The following MAP3K1 variants were observed in gnomAD, a reference collection of about 807,000 sequenced individuals.
The protein encoded by MAP3K1 is mitogen-activated protein kinase kinase kinase 1.
MAP3K1 carries 36 observed loss-of-function variants against 144.2 expected under a neutral mutation model. That is an observed-to-expected ratio of 0.25 (90% CI 0.19 to 0.33). MAP3K1 has a LOEUF of 0.33. Among genes scored for constraint, MAP3K1 ranks in the 10% least tolerant of loss-of-function variants. MAP3K1 has a pLI of 1.00. For synonymous variants in MAP3K1, 718 were observed against 688.7 expected (o/e 1.04, Z -0.67); for missense variants, 1,650 against 1,881.9 (o/e 0.88, Z 2.28).
chr5:56,845,484 C>A (rs1320001596), intron 1 of MAP3K1, among the ~76,000 whole-genome samples: 1 of 152,186 alleles, frequency 6.6e-6, no homozygotes, highest in Non-Finnish European at 1.5e-5. Flanking sequence ...ACCCCTCCCC[C>A]CACAGTAGTA....
chr5:56,855,691 T>G (rs1415203750), intron 1 of MAP3K1, among the ~76,000 whole-genome samples: 1 of 150,452 alleles, frequency 6.6e-6, no homozygotes, highest in East Asian at 1.9e-4. Context: ...TTTTGGTATT[T>G]CCTTGAGTAT....
intron 3 of MAP3K1, 63 bp from the exon 4 acceptor site, chr5:56,864,671 C>G: frequency 6.4e-7 from 1 of 1,573,330 alleles, no homozygotes; most frequent in African/African-American, 1.3e-5. Flanking sequence ...CCATGCCTGA[C>G]CGGATAATAG....
chr5:56,891,576 C>A (rs1391004980), intron 19 of MAP3K1, among the ~76,000 whole-genome samples: 2 of 152,156 alleles, frequency 1.3e-5, no homozygotes, highest in Non-Finnish European at 2.9e-5. Flanking sequence ...GCTTTTGTTG[C>A]CATTGCTTTT....
chr5:56,885,988 A>G lies in MAP3K1; in HGVS notation c.4039A>G (p.Ile1347Val), dbSNP rs1380691737. 1 of 1,612,240 alleles carries G rather than the reference A, an allele frequency of 6.2e-7. No homozygotes were observed. Residue 1347 changes from isoleucine (I) to valine (V), a missense_variant, in exon 17 of 20, where the codon ATT (isoleucine) becomes GTT (valine). Transcript: ENST00000399503. ...KYGAFKESVVINYTEQLLRGL... is the reference protein window; with the variant it reads ...KYGAFKESVVVNYTEQLLRGL... ...TGGAGCCTTCAAAGAATCAGTAGTT[A>G]TTAACTACACTGAACAGTTACTCCG...
chr5:56,819,009 A>G (rs1746071599), intron 1 of MAP3K1, among the ~76,000 whole-genome samples: 1 of 151,998 alleles, frequency 6.6e-6, no homozygotes, highest in African/African-American at 2.4e-5. Context: ...GGGTGACTTT[A>G]TAAAAATAAA....
chr5:56,821,560 TC>T (rs2111748651), intron 1 of MAP3K1, among the ~76,000 whole-genome samples: 1 of 152,344 alleles, frequency 6.6e-6, no homozygotes, highest in African/African-American at 2.4e-5. Flanking sequence ...TCATTACTTT[TC>T]TTTTTTTATT....
In MAP3K1 at chr5:56,895,323, T is replaced by C; in HGVS notation, c.*1643T>C. 4.3e-6 allele frequency: 1 copy of C among 232,162 alleles called. No individual in the cohort carries two copies. The highest frequency in any genetic ancestry group is 8.5e-6 in the Non-Finnish European group (1 of 117,402). 14.4% of individuals were successfully genotyped at this position (232,162 alleles called of 1,614,324 possible). A position where few individuals can be genotyped will look rare whatever the true frequency, so the allele number is the denominator to read the frequency against. ...AAAAATAGTACAGAAATGTGAAGTT[T>C]GGTATCTCTAAATGTGTTGTACTTG... On this transcript the variant is annotated 3_prime_UTR_variant, in exon 20 of 20. Coordinates refer to ENST00000399503, the MANE Select transcript of MAP3K1 (RefSeq NM_005921.2).
chr5:56,881,795 T>C lies in MAP3K1; in HGVS notation c.2595T>C (p.Ile865=). The C allele has an allele frequency of 1.2e-6, 2 of 1,614,128 alleles. No individual in the cohort carries two copies. Among genetic ancestry groups the C allele is most frequent in the Non-Finnish European group, 1.7e-6 (2 of 1,180,014 alleles). The part of the protein sequence containing the change: ...RLMAIADEVE[I]AEAIQLGVED... ...TGGCTATTGCAGATGAGGTGGAAAT[T>C]GCCGAAGCCATCCAGTTGGGCGTAG... is the stretch of plus-strand genomic sequence containing the variant. Residue 865 remains isoleucine, a synonymous_variant, in exon 14 of 20, where the codon ATT becomes ATC. Transcript: ENST00000399503.
intron 10 of MAP3K1, 81 bp downstream of exon 10, chr5:56,875,391 A>G (rs754529429): frequency 5.2e-5 from 76 of 1,470,248 alleles, no homozygotes; most frequent in South Asian, 5.9e-5. Flanking sequence ...TTAAGATACA[A>G]TAAAGCTACT....
At chr5:56,853,665 A>T (rs566472072) in intron 1 of MAP3K1, among the ~76,000 whole-genome samples, 2 of 152,326 alleles carry the variant, frequency 1.3e-5, no homozygotes, top group African/African-American at 4.8e-5. Context: ...TCTTAATTGA[A>T]ATTGGGAAAG....
chr5:56,816,201 C>G, intron 1 of MAP3K1, 146 bp downstream of exon 1: 1 of 856,362 alleles, frequency 1.2e-6, no homozygotes, highest in Non-Finnish European at 1.5e-6. Context: ...CTGAGCACCC[C>G]CCGACCCCTT....
chr5:56,860,200 G>A (rs1433586241), intron 3 of MAP3K1, among the ~76,000 whole-genome samples: 2 of 152,052 alleles, frequency 1.3e-5, no homozygotes, highest in African/African-American at 4.8e-5. Context: ...TACAACTGTA[G>A]AAACTATATT....
At position 56,859,908 on chromosome 5, in the gene MAP3K1, C is replaced by A; in HGVS notation, c.827C>A (p.Pro276Gln). 6.2e-7 allele frequency: 1 copy of A among 1,610,286 alleles called. No homozygotes were observed. The highest frequency in any genetic ancestry group is 1.3e-5 in the African/African-American group (1 of 74,952). Residue 276 changes from proline to glutamine, a missense_variant, in exon 3 of 20, where the codon CCA becomes CAA. Physicochemically the swap from Pro to Gln is moderately conservative, Grantham distance 76. This residue lies in a region of MAP3K1 where 148 missense variants were observed against 177.2 expected (regional missense o/e 0.84). Coordinates refer to ENST00000399503, the MANE Select transcript of MAP3K1 (RefSeq NM_005921.2). ...SPGVRRKRVSPVPFQSGRITP... is the reference protein window; with the variant it reads ...SPGVRRKRVSQVPFQSGRITP... ...GGAGTAAGGAGAAAAAGAGTTTCCC[C>A]AGTGCCTGTAAGTTAATGTTACAAC...
chr5:56,856,031 G>T (rs760523538), intron 1 of MAP3K1, among the ~76,000 whole-genome samples: 1 of 152,106 alleles, frequency 6.6e-6, no homozygotes, highest in Non-Finnish European at 1.5e-5. Context: ...AAGATCAAAT[G>T]TTTGTACTGG....
chr5:56,847,761 C>T (rs1317131567), intron 1 of MAP3K1, among the ~76,000 whole-genome samples: 1 of 152,100 alleles, frequency 6.6e-6, no homozygotes, highest in Non-Finnish European at 1.5e-5. Context: ...AGAATCTTTT[C>T]CTTCACTTAA....
intron 1 of MAP3K1, among the ~76,000 whole-genome samples, chr5:56,834,276 C>T (rs1320448140): frequency 6.6e-6 from 1 of 152,102 alleles, no homozygotes; most frequent in Non-Finnish European, 1.5e-5. Flanking sequence ...TGAGTGAGCC[C>T]TAGGTAAATG....
chr5:56,820,782 G>A (rs1746130560), intron 1 of MAP3K1: 1 of 985,280 alleles, frequency 1.0e-6, no homozygotes. Context: ...GAGTGGTGGA[G>A]AAAAAGATCA....
rs866222 is a variant in MAP3K1 at position 56,888,617 on chromosome 5, T to C, written c.4389+260T>C. On this transcript the variant is annotated intron_variant, in intron 19 of 19. Transcript: ENST00000399503. ...ATGTGCTATGATACACTGGTGATGC[T>C]AGGCAGTGGCAGCGAGTCACAGCTC... Among the ~76,000 whole-genome samples the C allele has an allele frequency of 0.77, 117,711 of 152,150 alleles. 45,884 individuals carry two copies. Among genetic ancestry groups the C allele is most frequent in the Non-Finnish European group, 0.82 (55,810 of 68,014 alleles).
chr5:56,866,730 T>C (rs1373481881), intron 6 of MAP3K1, among the ~76,000 whole-genome samples: 3 of 152,058 alleles, frequency 2.0e-5, no homozygotes, highest in African/African-American at 7.2e-5. Context: ...TCAAAATTCA[T>C]GAAGAATGAA....
Sources: allele counts gnomAD v4.1 joint callset (sites outside exome capture counted in the v4.1 genomes callset), GRCh38; gene constraint gnomAD v4.1.1; regional missense constraint gnomAD v4.1.1; transcripts MANE v1.5; gene names NCBI Gene and HGNC (gene_info 2026-07-23, HGNC 2026-07-21).